Variants in SDCCAG8 observed in about 807,000 individuals in gnomAD.
The protein encoded by SDCCAG8 is SHH signaling and ciliogenesis regulator SDCCAG8, also known as serologically defined colon cancer antigen 8.
In SDCCAG8, 74 loss-of-function variants were observed where a neutral mutation model predicts 101.8. The ratio of observed to expected loss-of-function variants is 0.73; its 90% confidence interval spans 0.60 to 0.88. SDCCAG8 has a LOEUF of 0.88. Among genes scored for constraint, SDCCAG8 ranks in the 40% least tolerant of loss-of-function variants. SDCCAG8 has a pLI of 0.00. For synonymous variants in SDCCAG8, 281 were observed against 292.9 expected (o/e 0.96, Z 0.41); for missense variants, 787 against 822.6 (o/e 0.96, Z 0.53).
At chr1:243,427,333 T>C (rs1379116444) in intron 16 of SDCCAG8, among the ~76,000 whole-genome samples, 1 of 149,686 alleles carries the variant, frequency 6.7e-6, no homozygotes, top group Non-Finnish European at 1.5e-5. Context: ...GTAATGGGGA[T>C]TTTTTTTTTG....
chr1:243,353,490 CAAAAAAAAAAAAAAAAAAAAAA>C lies in SDCCAG8; in HGVS notation c.1473+9171_1473+9192del, dbSNP rs542632635. ...TGGGCAGCAGAGCAAGATTCCATCTCAAAAAAAAAAAAAAAAAAAAAAAAAAAAAAAAAGAATGTTGCCCAGC... is the reference window on the plus strand; with the variant it reads ...TGGGCAGCAGAGCAAGATTCCATCTCAAAAAAAAAAAGAATGTTGCCCAGC... On this transcript the variant is annotated intron_variant, in intron 12 of 17. Coordinates refer to ENST00000366541, the MANE Select transcript of SDCCAG8 (RefSeq NM_006642.5). Among the ~76,000 whole-genome samples the C allele has an allele frequency of 5.4e-3, 150 of 27,620 alleles. 1 individual carries two copies. Among genetic ancestry groups the C allele is most frequent in the African/African-American group, 0.02 (144 of 7,230 alleles). 18.1% of individuals were successfully genotyped at this position (27,620 alleles called of 152,430 possible). A position where few individuals can be genotyped will look rare whatever the true frequency, so the allele number is the denominator to read the frequency against.
Position 243,378,706 on chromosome 1 carries a change from T to G in SDCCAG8, c.1474-15T>G, listed in dbSNP as rs1558382295. 1 of 1,613,518 alleles carries G rather than the reference T, an allele frequency of 6.2e-7. No homozygotes were observed. The highest frequency in any genetic ancestry group is 1.1e-5 in the South Asian group (1 of 91,074). On this transcript the variant is annotated splice_polypyrimidine_tract_variant and intron_variant, in intron 12 of 17. Coordinates refer to ENST00000366541, the MANE Select transcript of SDCCAG8 (RefSeq NM_006642.5). ...TATTTTATATGGATGCTTTTTCCCCTTCTCTCTACCTAAGGAAATAGAGAA... is the reference window on the plus strand; with the variant it reads ...TATTTTATATGGATGCTTTTTCCCCGTCTCTCTACCTAAGGAAATAGAGAA...
intron 16 of SDCCAG8, among the ~76,000 whole-genome samples, chr1:243,454,828 A>G (rs2083619159): frequency 2.0e-5 from 3 of 152,144 alleles, no homozygotes; most frequent in Admixed American, 2.0e-4. Context: ...AGCATGACAG[A>G]TGCACCCTCC....
intron 16 of SDCCAG8, among the ~76,000 whole-genome samples, chr1:243,459,344 A>G (rs1438094240): frequency 6.6e-6 from 1 of 152,194 alleles, no homozygotes; most frequent in Non-Finnish European, 1.5e-5. Context: ...GAAAGTTCAT[A>G]GTATCTTTCT....
chr1:243,282,957 A>G (rs889689383), intron 4 of SDCCAG8, among the ~76,000 whole-genome samples: 2 of 151,818 alleles, frequency 1.3e-5, no homozygotes, highest in Middle Eastern at 3.4e-3. Context: ...AGCAATTCTC[A>G]TGCCTCAGCC....
At chr1:243,288,866 G>T (rs918713966) in intron 5 of SDCCAG8, among the ~76,000 whole-genome samples, 7 of 151,932 alleles carry the variant, frequency 4.6e-5, no homozygotes, top group African/African-American at 1.7e-4. Flanking sequence ...AATTAGCCGG[G>T]CGTGGTGGTG....
rs140330243 is a variant in SDCCAG8, at chr1:243,263,408, C to T, written c.68-6697C>T. 2.2e-4 allele frequency among the ~76,000 whole-genome samples: 34 copies of T among 152,274 alleles called. 1 individual carries two copies. The highest frequency in any genetic ancestry group is 7.5e-4 in the African/African-American group (31 of 41,554). ...AGAAGTACAGGCTTTGCTTGTAGCC[C>T]TTGATCTGCAAGAATCCTACTTTAC... On this transcript the variant is annotated intron_variant, in intron 1 of 17. Coordinates refer to ENST00000366541, the MANE Select transcript of SDCCAG8 (RefSeq NM_006642.5).
intron 9 of SDCCAG8, among the ~76,000 whole-genome samples, chr1:243,326,277 T>C (rs2074143933): frequency 6.6e-6 from 1 of 152,316 alleles, no homozygotes; most frequent in African/African-American, 2.4e-5. Context: ...ATGGGTTACA[T>C]GTGATATTCT....
At chr1:243,364,347 C>T (rs1027611450) in intron 12 of SDCCAG8, among the ~76,000 whole-genome samples, 2 of 152,098 alleles carry the variant, frequency 1.3e-5, no homozygotes, top group Non-Finnish European at 1.5e-5. Flanking sequence ...GAATATTTTG[C>T]ATCCAAGCAT....
At chr1:243,442,389 G>A (rs1220316874) in intron 16 of SDCCAG8, among the ~76,000 whole-genome samples, 23 of 152,066 alleles carry the variant, frequency 1.5e-4, no homozygotes, top group Admixed American at 1.5e-3. Flanking sequence ...CATAGACTCT[G>A]GATTATAAGA....
At chr1:243,364,489 G>A (rs1331437691) in intron 12 of SDCCAG8, among the ~76,000 whole-genome samples, 3 of 152,268 alleles carry the variant, frequency 2.0e-5, no homozygotes, top group Admixed American at 2.0e-4. Context: ...GGTACACCAA[G>A]GAGTAACAGA....
intron 16 of SDCCAG8, among the ~76,000 whole-genome samples, chr1:243,465,918 A>G (rs1660042149): frequency 6.6e-6 from 1 of 152,192 alleles, no homozygotes; most frequent in South Asian, 2.1e-4. Flanking sequence ...GATGACTAGC[A>G]TGACCTCAGG....
intron 16 of SDCCAG8, among the ~76,000 whole-genome samples, chr1:243,465,412 T>A (rs991388350): frequency 4.6e-5 from 7 of 152,218 alleles, no homozygotes; most frequent in Non-Finnish European, 7.3e-5. Context: ...AGTCGTGAAT[T>A]TGGCTTTTCG....
intron 12 of SDCCAG8, among the ~76,000 whole-genome samples, chr1:243,360,354 G>A (rs773431970): frequency 4.7e-4 from 72 of 151,708 alleles, no homozygotes; most frequent in South Asian, 1.7e-3. Context: ...GGGTTTCACC[G>A]TGTTAGCCAG....
Position 243,474,815 on chromosome 1 carries a change from C to G in SDCCAG8, c.1986-14199C>G, listed in dbSNP as rs1662070821. On this transcript the variant is annotated intron_variant, in intron 16 of 17. Transcript: ENST00000366541. This position sits in a 1 kb window ranked among gnomAD's most constrained non-coding sequence, Gnocchi z 4.7. ...AGGGAGGAGGCTCGTCCTGAACGTG[C>G]ACAGCCGCTCCTAACTCCGTCAACG... Among the ~76,000 whole-genome samples the G allele has an allele frequency of 6.6e-6, 1 of 152,254 alleles. No individual in the cohort carries two copies. The highest frequency in any genetic ancestry group is 2.1e-4 in the South Asian group (1 of 4,836).
At chr1:243,497,954 T>G (rs548863921) in intron 17 of SDCCAG8, among the ~76,000 whole-genome samples, 69 of 152,348 alleles carry the variant, frequency 4.5e-4, no homozygotes, top group African/African-American at 1.6e-3. Flanking sequence ...AGCACTGGGA[T>G]TACAGGTGTG....
intron 13 of SDCCAG8, among the ~76,000 whole-genome samples, chr1:243,379,715 G>GT (rs1351104637): frequency 6.6e-6 from 1 of 152,140 alleles, no homozygotes; most frequent in Admixed American, 6.6e-5. Context: ...AAGTTTTTCA[G>GT]TTTTTAGAGA....
rs2078301807 is a variant in SDCCAG8 at position 243,386,512 on chromosome 1, G to C, written c.1616+7649G>C. Among the ~76,000 whole-genome samples, 4 of 152,260 alleles carry C rather than the reference G, an allele frequency of 2.6e-5. No homozygotes were observed. In the South Asian group the frequency reaches 6.2e-4, roughly 24 times the overall value. On this transcript the variant is annotated intron_variant, in intron 13 of 17. Coordinates refer to ENST00000366541, the MANE Select transcript of SDCCAG8 (RefSeq NM_006642.5). ...AGGTCAGGAGTAATCCCAGCACTTTGGGAGGCCGAGACAGGCGGATCACGA... is the reference window on the plus strand; with the variant it reads ...AGGTCAGGAGTAATCCCAGCACTTTCGGAGGCCGAGACAGGCGGATCACGA...
intron 7 of SDCCAG8, among the ~76,000 whole-genome samples, chr1:243,306,756 G>A (rs2072173049): frequency 6.6e-6 from 1 of 152,022 alleles, no homozygotes; most frequent in Non-Finnish European, 1.5e-5. Flanking sequence ...ATTATTTTGG[G>A]GATAGGGTAG....
Sources: allele counts gnomAD v4.1 joint callset (sites outside exome capture counted in the v4.1 genomes callset), GRCh38; gene constraint gnomAD v4.1.1; non-coding constraint Gnocchi (gnomAD v3.1); transcripts MANE v1.5; gene names NCBI Gene and HGNC (gene_info 2026-07-23, HGNC 2026-07-21).